The following ROBO2 variants were observed in gnomAD, a reference collection of about 807,000 sequenced individuals.
ROBO2 encodes the protein roundabout homolog 2.
ROBO2 carries 53 observed loss-of-function variants against 160.8 expected under a neutral mutation model. The observed-to-expected ratio is 0.33, with a 90% confidence interval of 0.26 to 0.41. ROBO2 has a LOEUF of 0.41. ROBO2 is among the 10% of genes least tolerant of loss of function. The probability of loss-of-function intolerance (pLI) is 1.00; values close to 1 mark genes in which losing one functional copy is unlikely to be tolerated. For missense variants in ROBO2, 1,577 were observed against 1,722.4 expected (o/e 0.92, Z 1.49); for synonymous variants, 664 against 611.7 (o/e 1.09, Z -1.26).
intron 2 of ROBO2, among the ~76,000 whole-genome samples, chr3:77,236,972 C>G (rs902265518): frequency 6.6e-6 from 1 of 152,134 alleles, no homozygotes; most frequent in East Asian, 1.9e-4. Flanking sequence ...CTCCTGGGCT[C>G]AAGCAATCCC....
intron 2 of ROBO2, among the ~76,000 whole-genome samples, chr3:76,587,026 ATTG>A (rs2086085514): frequency 6.6e-6 from 1 of 152,150 alleles, no homozygotes; most frequent in Non-Finnish European, 1.5e-5. Flanking sequence ...TTCTTTTTAA[ATTG>A]TTGAGCCCAG....
At chr3:77,419,285 C>T (rs996590622) in intron 2 of ROBO2, among the ~76,000 whole-genome samples, 3 of 151,882 alleles carry the variant, frequency 2.0e-5, no homozygotes, top group Non-Finnish European at 2.9e-5. Context: ...TAGCAATAAC[C>T]GTCATGTATT....
chr3:77,139,280 T>C (rs1410599397), intron 2 of ROBO2, among the ~76,000 whole-genome samples: 2 of 152,194 alleles, frequency 1.3e-5, no homozygotes, highest in African/African-American at 2.4e-5. Flanking sequence ...GTTGAAAACC[T>C]TGTATTATAC....
At chr3:77,236,433 G>A (rs527266952) in intron 2 of ROBO2, among the ~76,000 whole-genome samples, 2 of 152,282 alleles carry the variant, frequency 1.3e-5, no homozygotes, top group East Asian at 1.9e-4. Flanking sequence ...AGAGAGGAGG[G>A]AATGATGACG....
chr3:76,804,874 A>G (rs749168135), intron 2 of ROBO2, among the ~76,000 whole-genome samples: 23 of 152,180 alleles, frequency 1.5e-4, no homozygotes, highest in Non-Finnish European at 3.1e-4. Context: ...AACGCACTAT[A>G]AAGCATTACC....
At chr3:77,028,943 C>T (rs930394469) in intron 2 of ROBO2, among the ~76,000 whole-genome samples, 1 of 152,144 alleles carries the variant, frequency 6.6e-6, no homozygotes, top group African/African-American at 2.4e-5. Flanking sequence ...GGTTTTGGTA[C>T]AACACAAGGC....
chr3:76,174,273 A>G (rs149025114), intron 2 of ROBO2, among the ~76,000 whole-genome samples: 1 of 152,192 alleles, frequency 6.6e-6, no homozygotes, highest in Non-Finnish European at 1.5e-5. Flanking sequence ...GACCTTTGTC[A>G]GATGGATCTG....
intron 2 of ROBO2, among the ~76,000 whole-genome samples, chr3:77,118,265 G>A (rs1031432959): frequency 6.6e-6 from 1 of 152,106 alleles, no homozygotes; most frequent in African/African-American, 2.4e-5. Context: ...ATGAATTCTA[G>A]TCACAGAATA....
intron 1 of ROBO2, among the ~76,000 whole-genome samples, chr3:75,928,717 G>C (rs1455131696): frequency 2.0e-5 from 3 of 152,178 alleles, no homozygotes; most frequent in African/African-American, 7.2e-5. Context: ...ATTATAGAAC[G>C]ATCTATGTAC....
chr3:77,532,811 T>C (rs2091843411), intron 6 of ROBO2, among the ~76,000 whole-genome samples: 1 of 151,922 alleles, frequency 6.6e-6, no homozygotes, highest in Admixed American at 6.6e-5. Context: ...CCTTTTTTCG[T>C]TTTTAAAAGA....
At chr3:76,885,966 A>G (rs1270559260) in intron 2 of ROBO2, among the ~76,000 whole-genome samples, 2 of 152,112 alleles carry the variant, frequency 1.3e-5, no homozygotes, top group African/African-American at 4.8e-5. Context: ...TTCATGGCCT[A>G]TGAAGAAAAC....
intron 2 of ROBO2, among the ~76,000 whole-genome samples, chr3:77,304,073 C>T (rs2062886393): frequency 6.6e-6 from 1 of 152,038 alleles, no homozygotes; most frequent in Admixed American, 6.6e-5. Context: ...AATATTCTAC[C>T]TCATTAAGCA....
intron 2 of ROBO2, among the ~76,000 whole-genome samples, chr3:77,318,683 T>G (rs2064330214): frequency 6.6e-6 from 1 of 152,112 alleles, no homozygotes; most frequent in Non-Finnish European, 1.5e-5. Context: ...AAATAAGGGG[T>G]TTACAAGGTC....
At chr3:76,550,023 G>A (rs1239564559) in intron 2 of ROBO2, among the ~76,000 whole-genome samples, 1 of 152,180 alleles carries the variant, frequency 6.6e-6, no homozygotes, top group African/African-American at 2.4e-5. Flanking sequence ...TTAAATATAA[G>A]TAATAAACAT....
At position 77,058,917 on chromosome 3, in the gene ROBO2, C is replaced by T. The variant is rs116105535; in HGVS notation, c.61+18071C>T. ...TTGTTAATTAGTTAGCACACAATCACATGTATATATTAATTCATTAGAATG... is the reference window on the plus strand; with the variant it reads ...TTGTTAATTAGTTAGCACACAATCATATGTATATATTAATTCATTAGAATG... On this transcript the variant is annotated intron_variant, in intron 1 of 25. Coordinates refer to ENST00000461745, the Ensembl canonical transcript of ROBO2. Among the ~76,000 whole-genome samples the T allele has an allele frequency of 5.2e-3, 785 of 152,242 alleles. 5 individuals carry two copies. The highest frequency in any genetic ancestry group is 0.018 in the African/African-American group (743 of 41,550).
At chr3:77,309,292 G>A (rs2063351887) in intron 2 of ROBO2, among the ~76,000 whole-genome samples, 1 of 152,044 alleles carries the variant, frequency 6.6e-6, no homozygotes, top group Non-Finnish European at 1.5e-5. Flanking sequence ...AAGTTTATGT[G>A]CTTAATTATC....
chr3:76,964,622 C>T (rs1202799750), intron 2 of ROBO2, among the ~76,000 whole-genome samples: 1 of 152,154 alleles, frequency 6.6e-6, no homozygotes, highest in Non-Finnish European at 1.5e-5. Context: ...CCTAATATAT[C>T]ATCTGCATTG....
At chr3:76,410,284 C>G (rs1559902079) in intron 2 of ROBO2, among the ~76,000 whole-genome samples, 1 of 152,062 alleles carries the variant, frequency 6.6e-6, no homozygotes. Flanking sequence ...TTGCACTAAT[C>G]TATGTTATAC....
chr3:77,479,127 A>C (rs997947658), intron 3 of ROBO2, among the ~76,000 whole-genome samples: 28 of 152,192 alleles, frequency 1.8e-4, no homozygotes, highest in Non-Finnish European at 3.4e-4. Flanking sequence ...AAGTGGGCCC[A>C]ACAAATAGAC....
Sources: gnomAD v4.1 joint callset for allele counts (sites outside exome capture counted in the v4.1 genomes callset) on GRCh38, gnomAD v4.1.1 for gene constraint, MANE v1.5 for transcripts, NCBI Gene and HGNC (gene_info 2026-07-23, HGNC 2026-07-21) for gene names.